CPA6: variants seen among roughly 807,000 people sequenced by gnomAD.
The protein encoded by CPA6 is carboxypeptidase A6.
In CPA6, 58 loss-of-function variants were observed where a neutral mutation model predicts 63.3. The observed-to-expected ratio is 0.92, with a 90% CI of 0.74 to 1.14. The LOEUF is 1.14. CPA6 is among the 50% of genes most tolerant of loss of function. CPA6 has a pLI of 0.00. For missense variants in CPA6, 565 were observed against 526.6 expected (o/e 1.07, Z -0.71); for synonymous variants, 185 against 179.0 (o/e 1.03, Z -0.27).
intron 10 of CPA6, among the ~76,000 whole-genome samples, chr8:67,426,903 T>A (rs1293142246): frequency 1.3e-5 from 2 of 152,222 alleles, no homozygotes; most frequent in African/African-American, 4.8e-5. Flanking sequence ...GATTAATAAA[T>A]ATTTTGGCCT....
At chr8:67,617,160 T>C (rs974425084) in intron 2 of CPA6, among the ~76,000 whole-genome samples, 16 of 152,186 alleles carry the variant, frequency 1.1e-4, no homozygotes, top group Admixed American at 7.9e-4. Context: ...GTAAATTAAA[T>C]AAAGGATCAC....
At position 67,544,804 on chromosome 8, in the gene CPA6, A is replaced by G. The variant is rs570028688; in HGVS notation, c.193-26757T>C. 3.9e-5 allele frequency among the ~76,000 whole-genome samples: 6 copies of G among 152,270 alleles called. No individual in the cohort carries two copies. The East Asian group carries it at 1.2e-3, about 29-fold the overall frequency. On this transcript the variant is annotated intron_variant, in intron 2 of 10. Coordinates refer to ENST00000297770, the MANE Select transcript of CPA6 (RefSeq NM_020361.5). ...CCCTTAATCCCCAACTTCCACCAGG[A>G]TGCAAGCAGAGCTTACTGCGACTCC...
chr8:67,739,880 G>T (rs907789653), intron 1 of CPA6, among the ~76,000 whole-genome samples: 2 of 152,210 alleles, frequency 1.3e-5, no homozygotes, highest in Non-Finnish European at 2.9e-5. Context: ...TGGCAGATCA[G>T]TTAGGAGAGA....
At position 67,708,436 on chromosome 8, in the gene CPA6, TA is replaced by T. The variant is rs1817185156; in HGVS notation, c.116+37577del. On this transcript the variant is annotated intron_variant, in intron 1 of 10. Transcript: ENST00000297770. ...TGTTTTCGAGTTTTTGTCTGCAATT[TA>T]TAATGACCCTACTTATTCCTTTGAA... Among the ~76,000 whole-genome samples the T allele has an allele frequency of 1.3e-5, 2 of 152,224 alleles. 1 individual carries two copies. Among genetic ancestry groups the T allele is most frequent in the African/African-American group, 4.8e-5 (2 of 41,458 alleles).
At chr8:67,642,771 ATAAT>A (rs1243697797) in intron 1 of CPA6, among the ~76,000 whole-genome samples, 1 of 145,062 alleles carries the variant, frequency 6.9e-6, no homozygotes, top group African/African-American at 2.6e-5. Flanking sequence ...ATGTGGGAAA[ATAAT>A]TAACTTGGGC....
chr8:67,438,835 A>G (rs991814936), intron 8 of CPA6, among the ~76,000 whole-genome samples: 1 of 152,114 alleles, frequency 6.6e-6, no homozygotes, highest in Non-Finnish European at 1.5e-5. Flanking sequence ...TGAAAAGGAG[A>G]TATAGATATT....
chr8:67,603,240 T>C (rs1814542371), intron 2 of CPA6, among the ~76,000 whole-genome samples: 1 of 152,158 alleles, frequency 6.6e-6, no homozygotes, highest in East Asian at 1.9e-4. Context: ...TACTTTCAGC[T>C]TTCAGTAACA....
chr8:67,600,555 T>C (rs1429116540), intron 2 of CPA6, among the ~76,000 whole-genome samples: 1 of 152,192 alleles, frequency 6.6e-6, no homozygotes, highest in African/African-American at 2.4e-5. Context: ...GTAACACATA[T>C]GTTAATTAGC....
At chr8:67,727,166 C>G (rs1195516700) in intron 1 of CPA6, among the ~76,000 whole-genome samples, 2 of 152,064 alleles carry the variant, frequency 1.3e-5, no homozygotes, top group Non-Finnish European at 2.9e-5. Flanking sequence ...AAAAAAAACC[C>G]TATGTTACAG....
Position 67,468,257 on chromosome 8 carries a change from C to T in CPA6, c.838+15511G>A, listed in dbSNP as rs117260654. Among the ~76,000 whole-genome samples the T allele has an allele frequency of 8.1e-3, 1,234 of 152,192 alleles. 8 individuals carry two copies. Among genetic ancestry groups the T allele is most frequent in the Non-Finnish European group, 0.013 (883 of 68,020 alleles). Reference sequence around the variant, plus strand: ...TATTTGATTATATGTTTGGGTTTATCCTCACATAAAATAATTCAGCTTCCA... The same window carrying T: ...TATTTGATTATATGTTTGGGTTTATTCTCACATAAAATAATTCAGCTTCCA... On this transcript the variant is annotated intron_variant, in intron 8 of 10. Coordinates refer to ENST00000297770, the MANE Select transcript of CPA6 (RefSeq NM_020361.5).
Position 67,706,798 on chromosome 8 carries a change from G to A in CPA6, c.116+39216C>T, listed in dbSNP as rs144823057. ...GAAAATCTTACCTTACAGTCAAACT[G>A]ATTAAGATTACATAGATTTGTCTAT... On this transcript the variant is annotated intron_variant, in intron 1 of 10. Transcript: ENST00000297770. 2.0e-3 allele frequency among the ~76,000 whole-genome samples: 301 copies of A among 152,224 alleles called. 3 individuals carry two copies. The highest frequency in any genetic ancestry group is 0.011 in the South Asian group (55 of 4,814).
At chr8:67,484,956 G>A (rs935287000) in intron 6 of CPA6, among the ~76,000 whole-genome samples, 167 bp from the exon 7 acceptor site, 4 of 152,170 alleles carry the variant, frequency 2.6e-5, no homozygotes, top group Admixed American at 6.5e-5. Flanking sequence ...TAAGACTTCT[G>A]TCTGAATTAA....
intron 1 of CPA6, among the ~76,000 whole-genome samples, chr8:67,680,401 G>A (rs1246041393): frequency 6.6e-6 from 1 of 151,812 alleles, no homozygotes; most frequent in African/African-American, 2.4e-5. Context: ...TATTTAGGAG[G>A]CTGAGGTGGG....
intron 3 of CPA6, among the ~76,000 whole-genome samples, chr8:67,513,579 T>C (rs537820468): frequency 2.6e-5 from 4 of 152,288 alleles, no homozygotes; most frequent in South Asian, 4.1e-4. Context: ...TTAAAGTCTG[T>C]GGTACTTTGT....
chr8:67,635,032 G>A (rs1304422868), intron 1 of CPA6, among the ~76,000 whole-genome samples: 1 of 151,302 alleles, frequency 6.6e-6, no homozygotes, highest in Non-Finnish European at 1.5e-5. Flanking sequence ...AACAACAGGT[G>A]TGAACCACTA....
chr8:67,648,384 C>T (rs1815763227), intron 1 of CPA6, among the ~76,000 whole-genome samples: 2 of 149,394 alleles, frequency 1.3e-5, no homozygotes, highest in South Asian at 2.1e-4. Context: ...GGGTAAAGAA[C>T]GGCATTGCTA....
At chr8:67,732,706 G>A (rs16933550) in intron 1 of CPA6, 1 of 152,410 alleles carries the variant, frequency 6.6e-6, no homozygotes, top group African/African-American at 2.4e-5. Context: ...GGCAGATGTG[G>A]AGGAACATGC....
intron 2 of CPA6, among the ~76,000 whole-genome samples, chr8:67,563,437 A>C (rs1813261986): frequency 6.6e-6 from 1 of 152,186 alleles, no homozygotes; most frequent in Non-Finnish European, 1.5e-5. Flanking sequence ...CAACTTAGGA[A>C]GGTTAGCTAA....
chr8:67,720,721 C>T (rs780022377), intron 1 of CPA6, among the ~76,000 whole-genome samples: 3 of 152,166 alleles, frequency 2.0e-5, no homozygotes, highest in South Asian at 2.1e-4. Context: ...TTTATATCGC[C>T]GCATTGTGTA....
Sources: allele counts gnomAD v4.1 joint callset (sites outside exome capture counted in the v4.1 genomes callset), GRCh38; gene constraint gnomAD v4.1.1; transcripts MANE v1.5; gene names NCBI Gene and HGNC (gene_info 2026-07-23, HGNC 2026-07-21).